Variants in XCR1 observed in about 807,000 individuals in gnomAD.
XCR1 encodes chemokine XC receptor 1.
For missense variants in XCR1, 356 were observed against 424.2 expected (o/e 0.84, Z 1.41); for synonymous variants, 187 against 188.5 (o/e 0.99, Z 0.06).
At chr3:46,042,391 TA>T (rs1372039969) in intron 5 of XCR1, among the ~76,000 whole-genome samples, 4 of 151,940 alleles carry the variant, frequency 2.6e-5, no homozygotes, top group Non-Finnish European at 4.4e-5. Context: ...GTTTGCTCTT[TA>T]AAAAAAATTG....
At chr3:46,052,717 C>T (rs375901039) in intron 5 of XCR1, among the ~76,000 whole-genome samples, 11 of 152,308 alleles carry the variant, frequency 7.2e-5, no homozygotes, top group East Asian at 1.9e-4. Context: ...TACACCTCAC[C>T]GGTGCCAGTG....
intron 5 of XCR1, among the ~76,000 whole-genome samples, chr3:46,042,004 C>A (rs7625558): frequency 0.82 from 124,924 of 152,196 alleles, 51,814 homozygotes; most frequent in East Asian, 0.99. Flanking sequence ...TCATTGTCTC[C>A]GTGACTGGCT....
chr3:46,082,886 T>C (rs1168485286), intron 1 of XCR1, among the ~76,000 whole-genome samples: 5 of 152,162 alleles, frequency 3.3e-5, no homozygotes, highest in African/African-American at 9.7e-5. Context: ...CTGCTGGAAA[T>C]CTGAAGAGAT....
chr3:46,034,881 C>T (rs1457792188), intron 5 of XCR1, among the ~76,000 whole-genome samples: 1 of 152,162 alleles, frequency 6.6e-6, no homozygotes, highest in African/African-American at 2.4e-5. Flanking sequence ...AGAAACTCAC[C>T]ATATCACCGC....
At chr3:46,062,830 T>C (rs978700653) in intron 4 of XCR1, among the ~76,000 whole-genome samples, 2 of 152,216 alleles carry the variant, frequency 1.3e-5, no homozygotes, top group East Asian at 3.9e-4. Flanking sequence ...CTAGCCTATC[T>C]CTGGGCTGGG....
intron 1 of XCR1, among the ~76,000 whole-genome samples, chr3:46,077,401 C>T (rs1698280753): frequency 6.6e-6 from 1 of 151,818 alleles, no homozygotes; most frequent in Admixed American, 6.6e-5. Flanking sequence ...TAATGATCTG[C>T]CACTGTCTCC....
At chr3:46,071,561 C>T (rs142292287) in intron 3 of XCR1, among the ~76,000 whole-genome samples, 8 of 152,246 alleles carry the variant, frequency 5.3e-5, no homozygotes, top group African/African-American at 9.6e-5. Context: ...AAATCCTCAA[C>T]AAAATACTAG....
In XCR1 at chr3:46,020,021, T is replaced by G. The variant is rs1575404155; in HGVS notation, c.*925A>C. On this transcript the variant is annotated 3_prime_UTR_variant, in exon 2 of 2. Transcript: ENST00000309285. ...ACTTGAGGTTTGGAGTGTGGGTGGG[T>G]GGGGGGAGCTACCACCATCAACCAA... The G allele has an allele frequency of 6.6e-6, 1 of 151,274 alleles. No individual in the cohort carries two copies. Among genetic ancestry groups the G allele is most frequent in the Non-Finnish European group, 1.5e-5 (1 of 67,838 alleles). The allele number at this position is 151,274 out of a possible 1,614,324, so 9.4% of individuals were successfully genotyped here.
chr3:46,023,711 A>G, intron 1 of XCR1: 1 of 1,529,346 alleles, frequency 6.5e-7, no homozygotes, highest in Non-Finnish European at 9.0e-7. Context: ...AGGGATCCAG[A>G]CACACTACTA....
intron 5 of XCR1, among the ~76,000 whole-genome samples, chr3:46,048,000 T>A (rs1411236514): frequency 6.6e-6 from 1 of 152,198 alleles, no homozygotes; most frequent in Admixed American, 6.5e-5. Flanking sequence ...AGCACACCAG[T>A]TACGTTAATA....
At chr3:46,053,795 A>G (rs541388075) in intron 5 of XCR1, among the ~76,000 whole-genome samples, 2 of 152,174 alleles carry the variant, frequency 1.3e-5, no homozygotes, top group African/African-American at 4.8e-5. Flanking sequence ...CAAAACTTTA[A>G]GCAACTGCAC....
At chr3:46,059,885 T>C (rs1285330428) in intron 4 of XCR1, among the ~76,000 whole-genome samples, 1 of 152,246 alleles carries the variant, frequency 6.6e-6, no homozygotes, top group African/African-American at 2.4e-5. Flanking sequence ...TCTATTAACA[T>C]GATACAACTG....
At chr3:46,059,821 G>C (rs1172406749) in intron 4 of XCR1, among the ~76,000 whole-genome samples, 1 of 152,184 alleles carries the variant, frequency 6.6e-6, no homozygotes, top group African/African-American at 2.4e-5. Flanking sequence ...GATATCTACA[G>C]CTATCGTCTA....
At chr3:46,046,081 T>C (rs1223418548) in intron 5 of XCR1, among the ~76,000 whole-genome samples, 1 of 152,172 alleles carries the variant, frequency 6.6e-6, no homozygotes, top group South Asian at 2.1e-4. Flanking sequence ...TGGAGAGAAC[T>C]GGAGGCCATT....
At chr3:46,075,232 T>C (rs1698236430) in intron 2 of XCR1, among the ~76,000 whole-genome samples, 1 of 140,958 alleles carries the variant, frequency 7.1e-6, no homozygotes, top group Non-Finnish European at 1.5e-5. Flanking sequence ...TTTTTGACAG[T>C]GGTGCCAAAG....
intron 1 of XCR1, among the ~76,000 whole-genome samples, chr3:46,078,415 C>G (rs1698298584): frequency 6.6e-6 from 1 of 152,100 alleles, no homozygotes; most frequent in South Asian, 2.1e-4. Context: ...TGGGCCTTTC[C>G]CATTTTTTGG....
At position 46,021,477 on chromosome 3, in the gene XCR1, GC is replaced by G; in HGVS notation, c.470del (p.Ser157ThrfsTer109). ...VLVTMAVWVA[S>X]ILSSILDTIF... is the part of the protein sequence containing the mutation. ...TGGTGTCGAGGATGGAGGACAGGAT[GC>G]TGGCTACCCACACAGCCATGGTCAC... On this transcript the variant is annotated frameshift_variant, in exon 2 of 2. Transcript: ENST00000309285. LOFTEE classifies it low-confidence loss of function (END_TRUNC). This position sits in a 1 kb window ranked among gnomAD's most constrained non-coding sequence, Gnocchi z 4.7. 6.2e-7 allele frequency: 1 copy of G among 1,613,914 alleles called. No individual in the cohort carries two copies. Among genetic ancestry groups the G allele is most frequent in the Non-Finnish European group, 8.5e-7 (1 of 1,179,868 alleles).
At chr3:46,032,764 G>A (rs1708423675) in intron 5 of XCR1, among the ~76,000 whole-genome samples, 2 of 152,250 alleles carry the variant, frequency 1.3e-5, no homozygotes, top group Admixed American at 1.3e-4. Context: ...CATTCTCATT[G>A]CTAGACATCC....
At chr3:46,065,772 T>C (rs773956108) in intron 4 of XCR1, among the ~76,000 whole-genome samples, 8 of 152,182 alleles carry the variant, frequency 5.3e-5, no homozygotes, top group Non-Finnish European at 7.3e-5. Context: ...TGACCAAGGT[T>C]AGCACTTAGA....
Sources: allele counts gnomAD v4.1 joint callset (sites outside exome capture counted in the v4.1 genomes callset), GRCh38; gene constraint gnomAD v4.1.1; non-coding constraint Gnocchi (gnomAD v3.1); transcripts MANE v1.5; gene names NCBI Gene and HGNC (gene_info 2026-07-23, HGNC 2026-07-21).